The following IFIH1 variants were observed in gnomAD, a reference collection of about 807,000 sequenced individuals.
IFIH1 encodes interferon induced with helicase C domain 1, also known as interferon-induced helicase C domain-containing protein 1.
A neutral mutation model predicts 107.4 loss-of-function variants in IFIH1; 125 were observed. The ratio of observed to expected loss-of-function variants is 1.16; its 90% CI spans 1.01 to 1.35. The LOEUF (loss-of-function observed/expected upper bound fraction) is 1.35. Among genes scored for constraint, IFIH1 ranks in the 40% most tolerant of loss-of-function variants. IFIH1 has a pLI of 0.00. For synonymous variants in IFIH1, 458 were observed against 413.2 expected (o/e 1.11, Z -1.31); for missense variants, 1,333 against 1,213.7 (o/e 1.10, Z -1.46).
intron 5 of IFIH1, among the ~76,000 whole-genome samples, chr2:162,284,387 C>G (rs958841109): frequency 6.6e-6 from 1 of 151,928 alleles, no homozygotes; most frequent in Non-Finnish European, 1.5e-5. Context: ...CATCTTAATG[C>G]TCTCAATTTC....
intron 4 of IFIH1, among the ~76,000 whole-genome samples, chr2:162,289,413 T>C (rs1682957700): frequency 6.6e-6 from 1 of 151,804 alleles, no homozygotes; most frequent in Admixed American, 6.6e-5. Flanking sequence ...TAGCTTATAA[T>C]GTGAAATGAA....
At chr2:162,308,058 C>T (rs1381029432) in intron 2 of IFIH1, among the ~76,000 whole-genome samples, 3 of 152,114 alleles carry the variant, frequency 2.0e-5, no homozygotes, top group Non-Finnish European at 2.9e-5. Context: ...CATCAGGATC[C>T]GATATGTATC....
At chr2:162,304,470 C>T (rs531839863) in intron 3 of IFIH1, among the ~76,000 whole-genome samples, 10 of 151,898 alleles carry the variant, frequency 6.6e-5, no homozygotes, top group South Asian at 2.1e-4. Context: ...ACCCTGTCCC[C>T]GCCTGCCCCC....
chr2:162,292,548 C>T (rs958998072), intron 4 of IFIH1, among the ~76,000 whole-genome samples: 2 of 151,792 alleles, frequency 1.3e-5, no homozygotes, highest in Admixed American at 1.3e-4. Context: ...TTTCTATAAA[C>T]TATTTTGCCA....
rs1682712933 is a variant in IFIH1 at position 162,277,437 on chromosome 2, T to A, written c.2022A>T (p.Arg674Ser). Reference sequence around the variant, plus strand: ...TACCAAAAAATAAAGTCATGAGAAATCTATCTGTTTCATCCAGTTTCAAAG... The same window carrying A: ...TACCAAAAAATAAAGTCATGAGAAAACTATCTGTTTCATCCAGTTTCAAAG... ...KKPLKLDETD[R>S]FLMTLFFENN... Residue 674 changes from arginine to serine, a missense_variant, in exon 10 of 16, where the codon AGA becomes AGT. Physicochemically the swap from Arg to Ser is moderately radical, Grantham distance 110 (BLOSUM62 -1). Coordinates refer to ENST00000649979, the MANE Select transcript of IFIH1 (RefSeq NM_022168.4). 2 of 1,608,360 alleles carry A rather than the reference T, an allele frequency of 1.2e-6. No individual in the cohort carries two copies. The highest frequency in any genetic ancestry group is 2.2e-5 in the South Asian group (2 of 90,616).
At chr2:162,268,658 C>T (rs898360501) in intron 13 of IFIH1, among the ~76,000 whole-genome samples, 18 of 151,976 alleles carry the variant, frequency 1.2e-4, no homozygotes, top group African/African-American at 2.7e-4. Flanking sequence ...GGTACTATCT[C>T]GGGTCACTGC....
chr2:162,295,519 T>C (rs1683071629), intron 3 of IFIH1, among the ~76,000 whole-genome samples: 1 of 151,996 alleles, frequency 6.6e-6, no homozygotes, highest in Admixed American at 6.6e-5. Flanking sequence ...AAGGTATCTT[T>C]CTTAAAAATT....
Position 162,276,939 on chromosome 2 carries a change from A to C in IFIH1, c.2052T>G (p.Asn684Lys). The C allele has an allele frequency of 6.3e-7, 1 of 1,596,928 alleles. No homozygotes were observed. Among genetic ancestry groups the C allele is most frequent in the Non-Finnish European group, 8.5e-7 (1 of 1,174,072 alleles). Residue 684 changes from asparagine (N) to lysine (K), a missense_variant, in exon 11 of 16, where the codon AAT becomes AAG. Transcript: ENST00000649979. ...TTTCAGCCAGCCTTTTCAACATTTT[A>C]TTGTTTTCTTTAAGAAATAATTAGA... ...RFLMTLFFENNKMLKRLAENP... is the reference protein window; with the variant it reads ...RFLMTLFFENKKMLKRLAENP...
At chr2:162,306,651 A>G (rs1030695759) in intron 3 of IFIH1, 58 bp downstream of exon 3, 1 of 1,410,262 alleles carries the variant, frequency 7.1e-7, no homozygotes. Flanking sequence ...GGTTCTGCCC[A>G]GTTGGTTTTT....
rs2105209194 is a variant in IFIH1 at position 162,288,355 on chromosome 2, T to C, written c.875A>G (p.Asp292Gly). 1 of 1,609,372 alleles carries C rather than the reference T, an allele frequency of 6.2e-7. No homozygotes were observed. Among genetic ancestry groups the C allele is most frequent in the Non-Finnish European group, 8.5e-7 (1 of 1,176,454 alleles). The change falls in exon 5 of 16, where the codon GAT becomes GGT. Residue 292 changes from aspartate (D) to glycine (G), a missense_variant and splice_region_variant. Coordinates refer to ENST00000649979, the MANE Select transcript of IFIH1 (RefSeq NM_022168.4). ...SDSGTMGSDS[D>G]EENVAARASP... ...TGCTCTTGCTGCCACATTCTCTTCA[T>C]CTGAAGAAGGTTGAAAAGAAAAATA...
chr2:162,295,752 G>T (rs1449709013), intron 3 of IFIH1, among the ~76,000 whole-genome samples: 1 of 151,920 alleles, frequency 6.6e-6, no homozygotes, highest in Non-Finnish European at 1.5e-5. Flanking sequence ...ATTCCCAGAG[G>T]TATGTCTTGT....
At chr2:162,300,972 A>G (rs1209514745) in intron 3 of IFIH1, among the ~76,000 whole-genome samples, 2 of 152,166 alleles carry the variant, frequency 1.3e-5, no homozygotes, top group East Asian at 3.9e-4. Flanking sequence ...TAAAAAGGCA[A>G]AACAAAACAA....
chr2:162,296,241 G>A (rs530700221), intron 3 of IFIH1, among the ~76,000 whole-genome samples: 1 of 152,132 alleles, frequency 6.6e-6, no homozygotes, highest in Non-Finnish European at 1.5e-5. Context: ...CAATGTGCAC[G>A]AATAATTGAT....
intron 14 of IFIH1, 112 bp from the exon 15 acceptor site, chr2:162,267,681 G>C: frequency 1.3e-6 from 1 of 775,804 alleles, no homozygotes; most frequent in African/African-American, 1.7e-5. Flanking sequence ...ATTCTACACG[G>C]CATTCCTTCC....
rs767968518 is a variant in IFIH1, at chr2:162,267,318, A to G, written c.2960T>C (p.Phe987Ser). ...LDLPCLKIRNFVVVFKNNSTK... is the reference protein window; with the variant it reads ...LDLPCLKIRNSVVVFKNNSTK... The stretch of plus-strand genomic sequence containing the variant: ...TGAATTATTTTTGAAAACCACTACA[A>G]AATTCCTTATTTTGAGACAAGGCAA... The change falls in exon 16 of 16, where the codon TTT (phenylalanine) becomes TCT (serine). Residue 987 changes from phenylalanine to serine, a missense_variant. Coordinates refer to ENST00000649979, the MANE Select transcript of IFIH1 (RefSeq NM_022168.4). 27 of 1,612,706 alleles carry G rather than the reference A, an allele frequency of 1.7e-5. No individual in the cohort carries two copies. The South Asian group carries it at 2.8e-4, about 17-fold the overall frequency.
Position 162,268,244 on chromosome 2 carries a change from T to G in IFIH1, c.2650A>C (p.Lys884Gln). ...ATATTTCTCTTGGTTTTCATTTTCT[T>G]TTCCATTATACTTTGCATCTGTAAT... ...LELQMQSIME[K>Q]KMKTKRNIAK... Residue 884 changes from lysine (K) to glutamine (Q), a missense_variant, in exon 14 of 16, where the codon AAG becomes CAG. Lys to Gln is a moderately conservative substitution (Grantham distance 53). Transcript: ENST00000649979. 6.2e-7 allele frequency: 1 copy of G among 1,612,112 alleles called. No individual in the cohort carries two copies. The highest frequency in any genetic ancestry group is 1.3e-5 in the African/African-American group (1 of 74,996).
At chr2:162,278,787 T>C (rs932919848) in intron 8 of IFIH1, among the ~76,000 whole-genome samples, 3 of 152,124 alleles carry the variant, frequency 2.0e-5, no homozygotes, top group South Asian at 2.1e-4. Context: ...GCATGCTATA[T>C]GATTCCATTT....
intron 1 of IFIH1, among the ~76,000 whole-genome samples, chr2:162,311,828 G>A: frequency 6.6e-6 from 1 of 152,204 alleles, no homozygotes; most frequent in East Asian, 1.9e-4. Flanking sequence ...ACAATATGTG[G>A]TTACAAGGCA....
Position 162,278,245 on chromosome 2 carries a change from A to G in IFIH1, c.1725T>C (p.Thr575=). 2 of 1,604,844 alleles carry G rather than the reference A, an allele frequency of 1.2e-6. No homozygotes were observed. Among genetic ancestry groups the G allele is most frequent in the Middle Eastern group, 1.8e-4 (1 of 5,428 alleles). Residue 575 remains threonine (T), a synonymous_variant, in exon 9 of 16, where the codon ACT becomes ACC. Coordinates refer to ENST00000649979, the MANE Select transcript of IFIH1 (RefSeq NM_022168.4). The stretch of plus-strand genomic sequence containing the variant: ...GAATGGCCCATTGTTCATAGGGTTG[A>G]GTTCCAAAATCTGACATTGGACTCA... ...CQMSPMSDFG[T]QPYEQWAIQM... is the part of the protein sequence containing the mutation.
Sources: gnomAD v4.1 joint callset for allele counts (sites outside exome capture counted in the v4.1 genomes callset) on GRCh38, gnomAD v4.1.1 for gene constraint, MANE v1.5 for transcripts, NCBI Gene and HGNC (gene_info 2026-07-23, HGNC 2026-07-21) for gene names.